Variants in GRXCR1 observed in about 807,000 individuals in gnomAD.
The protein encoded by GRXCR1 is glutaredoxin and cysteine rich domain containing 1, also known as glutaredoxin domain-containing cysteine-rich protein 1.
Under a neutral mutation model 27.3 loss-of-function variants are expected in GRXCR1, and 27 were observed. The observed-to-expected ratio is 0.99, with a 90% CI of 0.73 to 1.37. GRXCR1 has a LOEUF of 1.37. GRXCR1 is among the 40% of genes most tolerant of loss of function. The probability of loss-of-function intolerance (pLI) is 0.00; values close to 1 mark genes in which losing one functional copy is unlikely to be tolerated. For synonymous variants in GRXCR1, 122 were observed against 131.1 expected, an observed-to-expected ratio of 0.93 and a Z score of 0.47; for missense variants, 379 against 354.4, an observed-to-expected ratio of 1.07 and a Z score of -0.56.
At chr4:42,959,540 T>C (rs1481876840) in intron 1 of GRXCR1, among the ~76,000 whole-genome samples, 1 of 151,992 alleles carries the variant, frequency 6.6e-6, no homozygotes, top group Non-Finnish European at 1.5e-5. Context: ...GAATAGGTTT[T>C]AGGCAATTTT....
intron 1 of GRXCR1, among the ~76,000 whole-genome samples, chr4:42,933,674 A>T (rs1447077974): frequency 6.6e-6 from 1 of 151,920 alleles, no homozygotes; most frequent in Non-Finnish European, 1.5e-5. Flanking sequence ...TTTATAAAAG[A>T]GACCCCAGAG....
chr4:42,952,326 C>A (rs1040803175), intron 1 of GRXCR1, among the ~76,000 whole-genome samples: 5 of 152,072 alleles, frequency 3.3e-5, no homozygotes, highest in African/African-American at 1.2e-4. Context: ...GACCAATTCT[C>A]CAAAGAAGAA....
At chr4:42,961,918 G>T (rs16855161) in intron 1 of GRXCR1, among the ~76,000 whole-genome samples, 7,121 of 152,016 alleles carry the variant, frequency 0.047, 211 homozygotes, top group African/African-American at 0.078. Flanking sequence ...TTTGCAAATT[G>T]TGTGGTTGTG....
At chr4:42,919,061 G>A (rs1746949089) in intron 1 of GRXCR1, among the ~76,000 whole-genome samples, 1 of 151,976 alleles carries the variant, frequency 6.6e-6, no homozygotes, top group Admixed American at 6.6e-5. Flanking sequence ...ATAATACTTT[G>A]GGTTAAAAAA....
At chr4:42,962,098 G>T (rs1577922118) in intron 1 of GRXCR1, among the ~76,000 whole-genome samples, 1 of 151,876 alleles carries the variant, frequency 6.6e-6, no homozygotes, top group East Asian at 1.9e-4. Context: ...AGCAGTGCTG[G>T]CCAGGGTTTC....
chr4:42,900,684 C>G (rs925474899), intron 1 of GRXCR1, among the ~76,000 whole-genome samples: 2 of 151,984 alleles, frequency 1.3e-5, no homozygotes, highest in African/African-American at 4.8e-5. Flanking sequence ...TATTACAGGT[C>G]AGTGGAAAGA....
intron 2 of GRXCR1, among the ~76,000 whole-genome samples, chr4:42,977,465 T>A (rs1748550406): frequency 6.6e-6 from 1 of 151,722 alleles, no homozygotes; most frequent in African/African-American, 2.4e-5. Context: ...TACTCCACAT[T>A]CTCACAAACA....
At chr4:43,025,685 TG>T (rs1479802228) in intron 3 of GRXCR1, among the ~76,000 whole-genome samples, 11 of 152,228 alleles carry the variant, frequency 7.2e-5, no homozygotes, top group African/African-American at 2.6e-4. Flanking sequence ...TCATTGAAAG[TG>T]GAAGTCAGGG....
intron 2 of GRXCR1, among the ~76,000 whole-genome samples, chr4:43,000,442 C>T (rs1416812782): frequency 1.4e-5 from 2 of 143,624 alleles, no homozygotes; most frequent in Non-Finnish European, 3.0e-5. Context: ...CGCCACTGCA[C>T]TCCAGCCTGG....
intron 1 of GRXCR1, among the ~76,000 whole-genome samples, chr4:42,932,664 A>AGAGAGAGAGG (rs1553939857): frequency 2.8e-5 from 3 of 107,958 alleles, no homozygotes; most frequent in African/African-American, 1.1e-4. Context: ...AGAGAGAGAG[A>AGAGAGAGAGG]GGCAATCTGT....
intron 1 of GRXCR1, among the ~76,000 whole-genome samples, chr4:42,916,742 A>G (rs1746895269): frequency 6.6e-6 from 1 of 152,124 alleles, no homozygotes; most frequent in South Asian, 2.1e-4. Flanking sequence ...AATGTAATTA[A>G]TAAATAATTT....
intron 1 of GRXCR1, among the ~76,000 whole-genome samples, chr4:42,960,635 C>G (rs1034082808): frequency 6.6e-6 from 1 of 151,696 alleles, no homozygotes; most frequent in Non-Finnish European, 1.5e-5. Flanking sequence ...ACAAGTCCTA[C>G]ACTTGTGTTT....
intron 2 of GRXCR1, among the ~76,000 whole-genome samples, chr4:42,970,944 C>T (rs1031563501): frequency 2.0e-5 from 3 of 152,128 alleles, no homozygotes; most frequent in African/African-American, 4.8e-5. Flanking sequence ...TTCGTGAATG[C>T]ATATGACTGT....
intron 1 of GRXCR1, among the ~76,000 whole-genome samples, chr4:42,922,685 G>A (rs538495618): frequency 6.6e-6 from 1 of 152,210 alleles, no homozygotes; most frequent in African/African-American, 2.4e-5. Flanking sequence ...TGGTATCAGT[G>A]AGATCCTGAG....
chr4:43,013,917 A>T (rs868140252), intron 2 of GRXCR1, among the ~76,000 whole-genome samples: 20 of 152,174 alleles, frequency 1.3e-4, no homozygotes, highest in African/African-American at 4.3e-4. Context: ...TATTATAAAA[A>T]ATCAGGATTG....
At chr4:42,896,631 CTG>C (rs1717602107) in intron 1 of GRXCR1, among the ~76,000 whole-genome samples, 1 of 152,086 alleles carries the variant, frequency 6.6e-6, no homozygotes. Flanking sequence ...CTAGCCATGA[CTG>C]TGGCCTGGAA....
chr4:42,993,210 T>C (rs969957696), intron 2 of GRXCR1, among the ~76,000 whole-genome samples: 1 of 152,154 alleles, frequency 6.6e-6, no homozygotes, highest in African/African-American at 2.4e-5. Flanking sequence ...AGTGTATTCC[T>C]GGCCAGATGG....
intron 2 of GRXCR1, among the ~76,000 whole-genome samples, chr4:43,010,332 G>C (rs1577943909): frequency 6.6e-6 from 1 of 151,878 alleles, no homozygotes; most frequent in Middle Eastern, 3.4e-3. Context: ...GAACCTGGGA[G>C]GCAGAGGTTG....
intron 2 of GRXCR1, among the ~76,000 whole-genome samples, chr4:42,974,018 T>C (rs1314991267): frequency 6.6e-6 from 1 of 152,146 alleles, no homozygotes; most frequent in Non-Finnish European, 1.5e-5. Flanking sequence ...CTACAGTTGT[T>C]ATAGAACCAA....
Sources: gnomAD v4.1 joint callset for allele counts (sites outside exome capture counted in the v4.1 genomes callset) on GRCh38, gnomAD v4.1.1 for gene constraint, MANE v1.5 for transcripts, NCBI Gene and HGNC (gene_info 2026-07-23, HGNC 2026-07-21) for gene names.